The following NDUFA10 variants were observed in gnomAD, a reference collection of about 807,000 sequenced individuals.
The protein encoded by NDUFA10 is NADH:ubiquinone oxidoreductase subunit A10, also known as NADH dehydrogenase [ubiquinone] 1 alpha subcomplex subunit 10, mitochondrial.
In NDUFA10, 40 loss-of-function variants were observed where a neutral mutation model predicts 47.8. That is an observed-to-expected ratio of 0.84 (90% CI 0.65 to 1.09). NDUFA10 has a LOEUF of 1.09. Among genes scored for constraint, NDUFA10 ranks in the 50% least tolerant of loss-of-function variants. The pLI, the probability that NDUFA10 is intolerant of heterozygous loss-of-function variation, is 0.00. For synonymous variants in NDUFA10, 183 were observed against 172.2 expected (o/e 1.06, Z -0.49); for missense variants, 413 against 451.1 (o/e 0.92, Z 0.76).
chr2:239,938,929 C>T (rs6437329), intron 4 of NDUFA10, among the ~76,000 whole-genome samples: 56,287 of 152,032 alleles, frequency 0.37, 10,594 homozygotes, highest in East Asian at 0.46. Context: ...CCTGTTTAGC[C>T]GTTGAGTTGG....
intron 9 of NDUFA10, among the ~76,000 whole-genome samples, chr2:239,989,385 T>C (rs910517915): frequency 6.6e-6 from 1 of 152,256 alleles, no homozygotes; most frequent in Non-Finnish European, 1.5e-5. Context: ...AAGGCATAGC[T>C]TGGAGTTCTG....
At chr2:239,998,868 T>C (rs1412943424) in intron 8 of NDUFA10, among the ~76,000 whole-genome samples, 2 of 152,210 alleles carry the variant, frequency 1.3e-5, no homozygotes, top group African/African-American at 2.4e-5. Flanking sequence ...CATGTCTTTT[T>C]TTGTATTGAT....
chr2:239,960,386 A>C lies in NDUFA10; in HGVS notation c.*732T>G, dbSNP rs1349086163. ...ATTTTCTGGGTAATAAAGAGAGTAT[A>C]TTATTTTGCTTTTGCATCTTATGTC... On this transcript the variant is annotated 3_prime_UTR_variant, in exon 10 of 10. Transcript: ENST00000252711. The C allele has an allele frequency of 2.0e-6, 2 of 985,896 alleles. No individual in the cohort carries two copies. The highest frequency in any genetic ancestry group is 5.2e-4 in the Middle Eastern group (1 of 1,936). The allele number at this position is 985,896 out of a possible 1,614,324, so 61.1% of individuals were successfully genotyped here.
chr2:239,908,510 A>C (rs1346981914), intron 4 of NDUFA10, among the ~76,000 whole-genome samples: 3 of 152,190 alleles, frequency 2.0e-5, no homozygotes, highest in African/African-American at 7.2e-5. Flanking sequence ...AGTGCCGCCC[A>C]CTGCTAAGGC....
chr2:240,012,288 C>G (rs1042182789), intron 5 of NDUFA10: 20 of 162,880 alleles, frequency 1.2e-4, no homozygotes, highest in African/African-American at 4.3e-4. Context: ...CTTACAGTCT[C>G]ACACTATCTT....
rs1174140389 is a variant in NDUFA10 at position 239,958,921 on chromosome 2, T to C, written c.*2197A>G. ...TGGAATCCTGGAAAATGCACGATTA[T>C]TTTGATCCTGGTTTGTTGGTGCTGT... On this transcript the variant is annotated 3_prime_UTR_variant, in exon 10 of 10. Transcript: ENST00000252711. The C allele has an allele frequency of 3.0e-6, 3 of 984,760 alleles. No individual in the cohort carries two copies. The Admixed American group carries it at 1.8e-4, about 61-fold the overall frequency. 61.0% of individuals were successfully genotyped at this position (984,760 alleles called of 1,614,324 possible).
At position 239,960,853 on chromosome 2, in the gene NDUFA10, C is replaced by A; in HGVS notation, c.*265G>T. The A allele has an allele frequency of 7.3e-7, 1 of 1,376,682 alleles. No homozygotes were observed. Among genetic ancestry groups the A allele is most frequent in the Non-Finnish European group, 9.5e-7 (1 of 1,057,896 alleles). 85.3% of individuals were successfully genotyped at this position (1,376,682 alleles called of 1,614,324 possible). On this transcript the variant is annotated 3_prime_UTR_variant, in exon 10 of 10. Coordinates refer to ENST00000252711, the MANE Select transcript of NDUFA10 (RefSeq NM_004544.4). ...GGGGCTGCCGAGAGCTGGCCTTTCA[C>A]AGCAGACCACTGTTTTCCAGTGAGA...
chr2:239,976,328 C>T (rs1282149445), intron 9 of NDUFA10, among the ~76,000 whole-genome samples: 1 of 152,198 alleles, frequency 6.6e-6, no homozygotes, highest in Non-Finnish European at 1.5e-5. Flanking sequence ...GCCACCCTCC[C>T]CACCTGTTCT....
intron 9 of NDUFA10, among the ~76,000 whole-genome samples, chr2:239,963,642 G>A (rs1188602650): frequency 6.6e-6 from 1 of 152,198 alleles, no homozygotes; most frequent in Admixed American, 6.5e-5. Flanking sequence ...TGCAGGGTGT[G>A]GGGGCTACAT....
chr2:239,914,458 TACAC>T (rs1213341433), intron 4 of NDUFA10, among the ~76,000 whole-genome samples: 10 of 90,012 alleles, frequency 1.1e-4, no homozygotes, highest in South Asian at 3.4e-4. Context: ...CACACAAACA[TACAC>T]ACACAGACAC....
At chr2:240,005,327 G>T (rs763864768) in intron 7 of NDUFA10, 32 bp from the exon 8 acceptor site, 2 of 1,546,672 alleles carry the variant, frequency 1.3e-6, no homozygotes, top group South Asian at 1.1e-5. Flanking sequence ...TTTAAACAGA[G>T]AACCCCATTT....
Position 239,919,833 on chromosome 2 carries a change from G to A in NDUFA10, c.295-24519C>T, listed in dbSNP as rs147055860. On this transcript the variant is annotated intron_variant, in intron 4 of 5. Transcript: ENST00000419408. ...ACTCTGAGTTCTCCTGCCATTTGGA[G>A]AGAATGCGGGGGAAGACACGGCCCC... 9.2e-3 allele frequency among the ~76,000 whole-genome samples: 1,403 copies of A among 152,328 alleles called. 28 individuals carry two copies. Among genetic ancestry groups the A allele is most frequent in the African/African-American group, 0.032 (1,326 of 41,572 alleles).
At chr2:239,943,269 G>A (rs1446422969) in intron 4 of NDUFA10, among the ~76,000 whole-genome samples, 1 of 152,254 alleles carries the variant, frequency 6.6e-6, no homozygotes. Flanking sequence ...GCAGGTCAGA[G>A]CCACACGAAT....
rs1281119678 is a variant in NDUFA10 at position 239,961,049 on chromosome 2, C to A, written c.*69G>T. 3 of 1,609,496 alleles carry A rather than the reference C, an allele frequency of 1.9e-6. No individual in the cohort carries two copies. Among genetic ancestry groups the A allele is most frequent in the Non-Finnish European group, 1.7e-6 (2 of 1,178,132 alleles). On this transcript the variant is annotated 3_prime_UTR_variant, in exon 10 of 10. Coordinates refer to ENST00000252711, the MANE Select transcript of NDUFA10 (RefSeq NM_004544.4). ...CTCCCCCGATCTTAAAGCTATATGGCGTCCAGGAGAGTGCGGCTGATGCAG... is the reference window on the plus strand; with the variant it reads ...CTCCCCCGATCTTAAAGCTATATGGAGTCCAGGAGAGTGCGGCTGATGCAG...
At position 240,025,261 on chromosome 2, in the gene NDUFA10, G is replaced by C. The variant is rs928084265; in HGVS notation, c.41C>G (p.Ser14Cys). 109 of 1,500,848 alleles carry C rather than the reference G, an allele frequency of 7.3e-5. No individual in the cohort carries two copies. Among genetic ancestry groups the C allele is most frequent in the East Asian group, 5.0e-4 (18 of 36,258 alleles). The allele number at this position is 1,500,848 out of a possible 1,614,324, so 93.0% of individuals were successfully genotyped here. A position where few individuals can be genotyped will look rare whatever the true frequency, so the allele number is the denominator to read the frequency against. ...RLLKLAATSA[S>C]ARVVAAGAQR... is the part of the protein sequence containing the mutation. ...GGCGCCCGCCGCCACGACCCGGGCG[G>C]ACGCGGACGTCGCTGCCAGCTTCAG... The change falls in exon 1 of 10, where the codon TCC (serine) becomes TGC (cysteine). Residue 14 changes from serine to cysteine, a missense_variant. By Grantham distance (112) the Ser-to-Cys change is moderately radical. Transcript: ENST00000252711.
At chr2:239,956,428 G>A (rs185737456), downstream of NDUFA10, among the ~76,000 whole-genome samples, 202 of 152,286 alleles carry the variant, frequency 1.3e-3, no homozygotes, top group African/African-American at 4.6e-3. Context: ...GGTCCTACCC[G>A]CTCCTCTTAC....
chr2:239,972,664 G>A (rs1307061274), intron 9 of NDUFA10, among the ~76,000 whole-genome samples: 1 of 151,996 alleles, frequency 6.6e-6, no homozygotes, highest in Non-Finnish European at 1.5e-5. Flanking sequence ...TTTTTATTTT[G>A]AAAATGTGTG....
chr2:239,911,006 G>C (rs552641532), intron 4 of NDUFA10, among the ~76,000 whole-genome samples: 2 of 152,188 alleles, frequency 1.3e-5, no homozygotes, highest in Non-Finnish European at 2.9e-5. Context: ...GTCACACTGC[G>C]TGTTTCCCCA....
intron 9 of NDUFA10, among the ~76,000 whole-genome samples, chr2:239,968,022 TA>T (rs766607678): frequency 4.3e-4 from 60 of 139,968 alleles, no homozygotes; most frequent in Non-Finnish European, 7.8e-4. Context: ...TCACTCATTC[TA>T]ATGGAGGAAA....
Sources: gnomAD v4.1 joint callset for allele counts (sites outside exome capture counted in the v4.1 genomes callset) on GRCh38, gnomAD v4.1.1 for gene constraint, MANE v1.5 for transcripts, NCBI Gene and HGNC (gene_info 2026-07-23, HGNC 2026-07-21) for gene names.